PLCH1: variants seen among roughly 807,000 people sequenced by gnomAD.
PLCH1 encodes the protein 1-phosphatidylinositol 4,5-bisphosphate phosphodiesterase eta-1.
Under a neutral mutation model 126.7 loss-of-function variants are expected in PLCH1, and 60 were observed. That is an observed-to-expected ratio of 0.47 (90% CI 0.38 to 0.59). The LOEUF (loss-of-function observed/expected upper bound fraction) is 0.59. Ranked by LOEUF, PLCH1 falls within the 20% of genes least tolerant of loss-of-function variation. The pLI is 0.00. For synonymous variants in PLCH1, 719 were observed against 734.9 expected (o/e 0.98, Z 0.35); for missense variants, 1,723 against 2,040.0 (o/e 0.84, Z 2.99).
intron 10 of PLCH1, among the ~76,000 whole-genome samples, chr3:155,531,475 A>C (rs1182144044): frequency 6.6e-6 from 1 of 152,178 alleles, no homozygotes; most frequent in Non-Finnish European, 1.5e-5. Context: ...AAATACAAAA[A>C]TTAGCTGGGC....
chr3:155,497,939 T>A (rs1205136222), intron 14 of PLCH1, among the ~76,000 whole-genome samples: 1 of 152,108 alleles, frequency 6.6e-6, no homozygotes, highest in African/African-American at 2.4e-5. Flanking sequence ...GGTCTCAAAC[T>A]CCTGACCTCA....
At chr3:155,628,699 G>T (rs925354757) in intron 2 of PLCH1, among the ~76,000 whole-genome samples, 2 of 152,076 alleles carry the variant, frequency 1.3e-5, no homozygotes, top group African/African-American at 4.8e-5. Flanking sequence ...TTAGTGGTGG[G>T]TAAGGAAAGA....
intron 10 of PLCH1, among the ~76,000 whole-genome samples, chr3:155,529,639 C>A (rs1403339200): frequency 1.3e-5 from 2 of 152,214 alleles, no homozygotes; most frequent in Non-Finnish European, 2.9e-5. Flanking sequence ...TAATGATCAT[C>A]TGAACCTTTG....
chr3:155,501,280 C>G (rs191631961), intron 13 of PLCH1, among the ~76,000 whole-genome samples: 140 of 152,266 alleles, frequency 9.2e-4, no homozygotes, highest in African/African-American at 3.2e-3. Flanking sequence ...AAATGATCAT[C>G]TAAATCAAAT....
At chr3:155,705,991 T>G (rs570841579) in intron 1 of PLCH1, among the ~76,000 whole-genome samples, 1 of 147,080 alleles carries the variant, frequency 6.8e-6, no homozygotes, top group South Asian at 2.2e-4. Flanking sequence ...CTGGCCAACA[T>G]AGTGAAATCC....
intron 2 of PLCH1, among the ~76,000 whole-genome samples, chr3:155,599,494 G>A (rs1475626496): frequency 6.6e-6 from 1 of 152,166 alleles, no homozygotes; most frequent in South Asian, 2.1e-4. Flanking sequence ...AAACCAGGTT[G>A]TGGGGGGACT....
At chr3:155,726,797 G>A (rs576810230) in intron 1 of PLCH1, among the ~76,000 whole-genome samples, 7 of 150,916 alleles carry the variant, frequency 4.6e-5, no homozygotes, top group Non-Finnish European at 8.8e-5. Flanking sequence ...CCAGGTTCAA[G>A]TGATTCTCCT....
chr3:155,682,136 C>G (rs572173825), intron 2 of PLCH1, among the ~76,000 whole-genome samples: 1 of 152,198 alleles, frequency 6.6e-6, no homozygotes, highest in Non-Finnish European at 1.5e-5. Flanking sequence ...ATCTATGGGA[C>G]AAACTGGAAA....
chr3:155,528,173 G>C (rs1311976095), intron 10 of PLCH1, among the ~76,000 whole-genome samples: 2 of 149,526 alleles, frequency 1.3e-5, no homozygotes, highest in Non-Finnish European at 3.0e-5. Context: ...GCAGTGAGTT[G>C]AGGTTGCACC....
At position 155,660,785 on chromosome 3, in the gene PLCH1, T is replaced by G. The variant is rs1328912926; in HGVS notation, c.79+43361A>C. Among the ~76,000 whole-genome samples the G allele has an allele frequency of 2.6e-5, 4 of 152,126 alleles. No individual in the cohort carries two copies. The East Asian group carries it at 7.7e-4, about 29-fold the overall frequency. On this transcript the variant is annotated intron_variant, in intron 2 of 22. Coordinates refer to ENST00000460012, the MANE Select transcript of PLCH1 (RefSeq NM_014996.4). ...ATGCCCCTTTTTTAAAAAAGAAAAA[T>G]CCCTTGTTGAAAAAGAAATTGACAA...
At chr3:155,544,584 A>AT (rs1244571307) in intron 10 of PLCH1, among the ~76,000 whole-genome samples, 4 of 152,252 alleles carry the variant, frequency 2.6e-5, no homozygotes, top group African/African-American at 9.6e-5. Flanking sequence ...CAGAATATAA[A>AT]TTTTTTTCAG....
chr3:155,586,241 A>G (rs1254940755), intron 4 of PLCH1, 47 bp from the exon 5 acceptor site: 1 of 1,598,232 alleles, frequency 6.3e-7, no homozygotes, highest in Non-Finnish European at 8.5e-7. Context: ...CAAAATTAAA[A>G]ACTGCTCTCT....
chr3:155,705,964 C>T (rs530784777), intron 1 of PLCH1, among the ~76,000 whole-genome samples: 1 of 140,404 alleles, frequency 7.1e-6, no homozygotes, highest in Non-Finnish European at 1.6e-5. Context: ...TCACGAGGTC[C>T]AGAGATCGAG....
intron 3 of PLCH1, among the ~76,000 whole-genome samples, 179 bp from the exon 4 acceptor site, chr3:155,594,363 G>A (rs1732634755): frequency 6.6e-6 from 1 of 152,052 alleles, no homozygotes; most frequent in African/African-American, 2.4e-5. Context: ...CTGAGCTCAG[G>A]AGTTCGAGAC....
chr3:155,534,065 A>C (rs992235445), intron 10 of PLCH1, among the ~76,000 whole-genome samples: 8 of 152,172 alleles, frequency 5.3e-5, no homozygotes, highest in African/African-American at 1.9e-4. Context: ...CAAAATCCCC[A>C]CTGGACCACT....
intron 14 of PLCH1, among the ~76,000 whole-genome samples, chr3:155,498,254 T>G (rs1197524909): frequency 6.6e-6 from 1 of 152,200 alleles, no homozygotes; most frequent in Non-Finnish European, 1.5e-5. Context: ...TGCTGGCAAT[T>G]CAGATATGCC....
At chr3:155,576,562 T>A (rs1193818587) in intron 6 of PLCH1, among the ~76,000 whole-genome samples, 3 of 152,200 alleles carry the variant, frequency 2.0e-5, no homozygotes, top group African/African-American at 7.2e-5. Flanking sequence ...ATAAAACCCT[T>A]GACAGCATAT....
At chr3:155,460,787 A>AAGATAGATAGAT (rs142518324) in intron 21 of PLCH1, among the ~76,000 whole-genome samples, 78 of 146,480 alleles carry the variant, frequency 5.3e-4, no homozygotes, top group East Asian at 8.1e-4. Context: ...ATAGATATAG[A>AAGATAGATAGAT]AGATAGATAG....
chr3:155,626,617 A>C (rs1737288756), intron 2 of PLCH1, among the ~76,000 whole-genome samples: 1 of 151,794 alleles, frequency 6.6e-6, no homozygotes, highest in African/African-American at 2.4e-5. Context: ...AAAATACAAA[A>C]AATTAGCCGG....
Sources: allele counts gnomAD v4.1 joint callset (sites outside exome capture counted in the v4.1 genomes callset), GRCh38; gene constraint gnomAD v4.1.1; transcripts MANE v1.5; gene names NCBI Gene and HGNC (gene_info 2026-07-23, HGNC 2026-07-21).